The following CEP63 variants were observed in gnomAD, a reference collection of about 807,000 sequenced individuals.
CEP63 encodes centrosomal protein 63.
A neutral mutation model predicts 89.1 loss-of-function variants in CEP63; 84 were observed. That is an observed-to-expected ratio of 0.94 (90% CI 0.79 to 1.13). The LOEUF is 1.13. Ranked by LOEUF, CEP63 falls within the 50% of genes most tolerant of loss-of-function variation. The probability of loss-of-function intolerance (pLI) is 0.00; values close to 1 mark genes in which losing one functional copy is unlikely to be tolerated. For synonymous variants in CEP63, 267 were observed against 272.5 expected, an observed-to-expected ratio of 0.98 and a Z score of 0.20; for missense variants, 838 against 813.3, an observed-to-expected ratio of 1.03 and a Z score of -0.37.
At chr3:134,728,108 A>G in the CEP63 span, among the ~76,000 whole-genome samples, 5 of 152,212 alleles carry the variant, frequency 3.3e-5, no homozygotes, top group Admixed American at 2.0e-4. Flanking sequence ...AAATTTGAAA[A>G]CATGTTTAAC....
the CEP63 span, among the ~76,000 whole-genome samples, chr3:134,683,313 G>T: frequency 2.0e-5 from 3 of 152,148 alleles, no homozygotes; most frequent in African/African-American, 2.4e-5. Context: ...GAGTGTGAAG[G>T]TTGCTAAGAG....
chr3:134,637,244 C>T, the CEP63 span, among the ~76,000 whole-genome samples: 1 of 152,202 alleles, frequency 6.6e-6, no homozygotes, highest in Non-Finnish European at 1.5e-5. Context: ...CAGTTCTGGT[C>T]GTAGGACTGG....
chr3:134,593,618 C>T, the CEP63 span, among the ~76,000 whole-genome samples: 2 of 152,118 alleles, frequency 1.3e-5, no homozygotes, highest in Admixed American at 6.6e-5. Context: ...GTCCACAGGG[C>T]TTCTCCAAGT....
chr3:134,653,988 G>A, the CEP63 span, among the ~76,000 whole-genome samples: 1 of 152,160 alleles, frequency 6.6e-6, no homozygotes, highest in African/African-American at 2.4e-5. Context: ...TGACAAACCA[G>A]GGGCTTTCTC....
At chr3:134,555,896 A>G (rs1323828499) in intron 12 of CEP63, among the ~76,000 whole-genome samples, 2 of 152,074 alleles carry the variant, frequency 1.3e-5, no homozygotes, top group Non-Finnish European at 2.9e-5. Flanking sequence ...ACAGTAACCA[A>G]AACAGCATGG....
At chr3:134,603,577 C>T in the CEP63 span, 1 of 1,569,576 alleles carries the variant, frequency 6.4e-7, no homozygotes, top group South Asian at 1.2e-5. Context: ...GGGGCACAGC[C>T]CTCACTGGGC....
At chr3:134,487,712 G>C (rs1159152320) in intron 1 of CEP63, among the ~76,000 whole-genome samples, 1 of 152,186 alleles carries the variant, frequency 6.6e-6, no homozygotes, top group South Asian at 2.1e-4. Flanking sequence ...CAGAGCCACA[G>C]TACTGTCATT....
At chr3:134,619,025 G>C in the CEP63 span, 2 of 754,842 alleles carry the variant, frequency 2.6e-6, no homozygotes, top group African/African-American at 1.7e-5. Flanking sequence ...ACTCACTTGG[G>C]TTCCAGAGCA....
chr3:134,698,166 C>G, the CEP63 span, among the ~76,000 whole-genome samples: 5 of 152,234 alleles, frequency 3.3e-5, no homozygotes, highest in Non-Finnish European at 5.9e-5. Flanking sequence ...CAGCTCTTAT[C>G]AGTATTTGTT....
At chr3:134,486,662 T>A in intron 1 of CEP63, 1 of 497,620 alleles carries the variant, frequency 2.0e-6, no homozygotes, top group Non-Finnish European at 2.6e-6. Context: ...GCTGTCTAGC[T>A]AGCGCTGTTG....
the CEP63 span, among the ~76,000 whole-genome samples, chr3:134,688,722 C>A: frequency 6.6e-6 from 1 of 152,158 alleles, no homozygotes; most frequent in Non-Finnish European, 1.5e-5. Context: ...AAGACAGGAA[C>A]CTCAGAGACT....
chr3:134,654,830 T>C, the CEP63 span, among the ~76,000 whole-genome samples: 1 of 152,018 alleles, frequency 6.6e-6, no homozygotes, highest in East Asian at 1.9e-4. Flanking sequence ...CCCTCTACTT[T>C]GAAGCCTTCC....
chr3:134,650,856 C>T, the CEP63 span: 2 of 1,608,114 alleles, frequency 1.2e-6, no homozygotes, highest in Non-Finnish European at 1.7e-6. Context: ...AGCTCGGGTT[C>T]GCCTGCTGGT....
At chr3:134,762,233 C>T in the CEP63 span, among the ~76,000 whole-genome samples, 1 of 152,068 alleles carries the variant, frequency 6.6e-6, no homozygotes, top group Admixed American at 6.5e-5. Flanking sequence ...AGGAAAAGTG[C>T]GTGTCTTCCT....
At chr3:134,502,997 A>G (rs1382230972) in intron 2 of CEP63, among the ~76,000 whole-genome samples, 1 of 151,896 alleles carries the variant, frequency 6.6e-6, no homozygotes, top group African/African-American at 2.4e-5. Context: ...ATTCAAGAGC[A>G]AGTTGTTTAG....
chr3:134,684,132 A>G, the CEP63 span, among the ~76,000 whole-genome samples: 1 of 152,216 alleles, frequency 6.6e-6, no homozygotes, highest in Non-Finnish European at 1.5e-5. Flanking sequence ...GGCTTTTGCA[A>G]TGGAAAGAGA....
chr3:134,541,277 G>A (rs1041327654), intron 6 of CEP63, among the ~76,000 whole-genome samples: 9 of 151,802 alleles, frequency 5.9e-5, no homozygotes, highest in East Asian at 1.9e-4. Context: ...TTTGTTCAGC[G>A]TTTCTATCTT....
At chr3:134,774,580 A>G in the CEP63 span, among the ~76,000 whole-genome samples, 4 of 152,354 alleles carry the variant, frequency 2.6e-5, no homozygotes, top group South Asian at 6.2e-4. Flanking sequence ...GTGCAATGTT[A>G]TCTTTGAAGA....
chr3:134,725,249 T>C, the CEP63 span, among the ~76,000 whole-genome samples: 1 of 152,230 alleles, frequency 6.6e-6, no homozygotes, highest in Non-Finnish European at 1.5e-5. Flanking sequence ...ATAATTTCTT[T>C]TGTCATTCTA....
Sources: gnomAD v4.1 joint callset for allele counts (sites outside exome capture counted in the v4.1 genomes callset) on GRCh38, gnomAD v4.1.1 for gene constraint, MANE v1.5 for transcripts, NCBI Gene and HGNC (gene_info 2026-07-23, HGNC 2026-07-21) for gene names.